Variants in NTNG1 observed in about 807,000 individuals in gnomAD.
NTNG1 encodes netrin G1.
In NTNG1, 16 loss-of-function variants were observed where a neutral mutation model predicts 54.0. The observed-to-expected ratio is 0.30, with a 90% CI of 0.20 to 0.45. NTNG1 has a LOEUF of 0.45. Among genes scored for constraint, NTNG1 ranks in the 20% least tolerant of loss-of-function variants. NTNG1 has a pLI of 1.00. For synonymous variants in NTNG1, 255 were observed against 263.1 expected (o/e 0.97, Z 0.30); for missense variants, 530 against 678.7 (o/e 0.78, Z 2.43).
intron 3 of NTNG1, among the ~76,000 whole-genome samples, chr1:107,326,588 G>A (rs991253173): frequency 2.0e-5 from 3 of 152,066 alleles, no homozygotes; most frequent in Non-Finnish European, 2.9e-5. Flanking sequence ...TCATCTACAT[G>A]AATAATGGTA....
intron 2 of NTNG1, among the ~76,000 whole-genome samples, chr1:107,278,323 A>C (rs78796337): frequency 7.9e-5 from 12 of 152,108 alleles, no homozygotes; most frequent in Non-Finnish European, 1.5e-4. Flanking sequence ...ATATAAGTAT[A>C]CTCTACACTC....
At chr1:107,404,914 GTT>G (rs1673306894) in intron 4 of NTNG1, among the ~76,000 whole-genome samples, 3 of 152,196 alleles carry the variant, frequency 2.0e-5, no homozygotes, top group African/African-American at 7.2e-5. Flanking sequence ...TGCCTAGACA[GTT>G]TTCCTAAGCA....
At chr1:107,435,864 T>C (rs1047485898) in intron 6 of NTNG1, among the ~76,000 whole-genome samples, 2 of 152,114 alleles carry the variant, frequency 1.3e-5, no homozygotes, top group African/African-American at 2.4e-5. Flanking sequence ...CTAAAGGATA[T>C]CCATTTCTGG....
At chr1:107,387,220 A>T (rs1177294175) in intron 3 of NTNG1, among the ~76,000 whole-genome samples, 1 of 152,210 alleles carries the variant, frequency 6.6e-6, no homozygotes, top group East Asian at 1.9e-4. Context: ...GAATGCACCA[A>T]TTAGTAGATT....
At chr1:107,164,367 G>T (rs1229066613) in intron 2 of NTNG1, among the ~76,000 whole-genome samples, 2 of 152,176 alleles carry the variant, frequency 1.3e-5, no homozygotes, top group Non-Finnish European at 2.9e-5. Context: ...ACCATGAAGG[G>T]TGAAAAAGCT....
chr1:107,427,944 T>C (rs1289761878), intron 5 of NTNG1, among the ~76,000 whole-genome samples: 1 of 152,166 alleles, frequency 6.6e-6, no homozygotes, highest in Non-Finnish European at 1.5e-5. Context: ...AATATCACAT[T>C]TAACATTTTT....
chr1:107,391,273 A>G (rs1672339460), intron 3 of NTNG1, among the ~76,000 whole-genome samples: 1 of 152,166 alleles, frequency 6.6e-6, no homozygotes, highest in African/African-American at 2.4e-5. Context: ...ATAATGGGAA[A>G]TCTTACAATG....
At chr1:107,439,668 T>C (rs1023968255) in intron 7 of NTNG1, among the ~76,000 whole-genome samples, 7 of 152,056 alleles carry the variant, frequency 4.6e-5, no homozygotes, top group African/African-American at 1.4e-4. Context: ...TGGTATTCTA[T>C]GTTAAAATAT....
chr1:107,192,033 C>T (rs1046527876), intron 2 of NTNG1, among the ~76,000 whole-genome samples: 2 of 152,116 alleles, frequency 1.3e-5, no homozygotes, highest in Non-Finnish European at 2.9e-5. Flanking sequence ...TGGCCATTTT[C>T]ACAATATTGA....
intron 5 of NTNG1, chr1:107,410,426 C>T (rs1349373116): frequency 6.6e-6 from 1 of 152,136 alleles, no homozygotes; most frequent in African/African-American, 2.4e-5. Context: ...TAAGGTCATT[C>T]GTACCTGCTG....
intron 2 of NTNG1, among the ~76,000 whole-genome samples, chr1:107,265,312 A>G (rs983914348): frequency 6.6e-6 from 1 of 151,250 alleles, no homozygotes; most frequent in African/African-American, 2.5e-5. Context: ...CAGGCTCTAT[A>G]AATTACTTTG....
chr1:107,450,441 G>A (rs1158260478), intron 7 of NTNG1, among the ~76,000 whole-genome samples: 4 of 152,066 alleles, frequency 2.6e-5, no homozygotes, highest in African/African-American at 9.7e-5. Flanking sequence ...CACGCAGTAA[G>A]ATAATAAAAC....
intron 5 of NTNG1, among the ~76,000 whole-genome samples, chr1:107,419,149 T>C (rs185128006): frequency 2.0e-4 from 30 of 151,852 alleles, no homozygotes; most frequent in African/African-American, 7.0e-4. Context: ...CTTCCTCCTT[T>C]TTCCTGTCTT....
intron 3 of NTNG1, among the ~76,000 whole-genome samples, chr1:107,348,162 G>C (rs1462052762): frequency 1.3e-5 from 2 of 151,904 alleles, no homozygotes; most frequent in African/African-American, 4.8e-5. Context: ...GTCTCACTCT[G>C]TTGTCCAGGC....
chr1:107,209,389 A>G (rs968320179), intron 2 of NTNG1, among the ~76,000 whole-genome samples: 1 of 152,178 alleles, frequency 6.6e-6, no homozygotes, highest in Non-Finnish European at 1.5e-5. Flanking sequence ...AAAAGGAAAC[A>G]GATGATGAGA....
intron 3 of NTNG1, among the ~76,000 whole-genome samples, chr1:107,371,384 T>G (rs1382003277): frequency 6.6e-6 from 1 of 152,072 alleles, no homozygotes; most frequent in Non-Finnish European, 1.5e-5. Context: ...TTGTTTAGAA[T>G]TTTTACATCT....
At chr1:107,457,032 A>G (rs946999240) in intron 7 of NTNG1, among the ~76,000 whole-genome samples, 1 of 152,250 alleles carries the variant, frequency 6.6e-6, no homozygotes, top group African/African-American at 2.4e-5. Flanking sequence ...TATCATGATT[A>G]TAACCACTAG....
At chr1:107,417,306 C>G (rs1468451732) in intron 5 of NTNG1, among the ~76,000 whole-genome samples, 1 of 152,034 alleles carries the variant, frequency 6.6e-6, no homozygotes, top group Non-Finnish European at 1.5e-5. Context: ...AAGAGAGCAA[C>G]ATTTCTGTTG....
chr1:107,356,188 C>G (rs1669920828), intron 3 of NTNG1, among the ~76,000 whole-genome samples: 1 of 152,126 alleles, frequency 6.6e-6, no homozygotes, highest in Admixed American at 6.5e-5. Context: ...TTTAAAAGCT[C>G]TTTAAGAAAT....
Sources: gnomAD v4.1 joint callset for allele counts (sites outside exome capture counted in the v4.1 genomes callset) on GRCh38, gnomAD v4.1.1 for gene constraint, MANE v1.5 for transcripts, NCBI Gene and HGNC (gene_info 2026-07-23, HGNC 2026-07-21) for gene names.